The following PDGFD variants were observed in gnomAD, a reference collection of about 807,000 sequenced individuals.
PDGFD encodes platelet derived growth factor D.
In PDGFD, 30 loss-of-function variants were observed where a neutral mutation model predicts 44.7. The ratio of observed to expected loss-of-function variants is 0.67; its 90% CI spans 0.50 to 0.91. The LOEUF (loss-of-function observed/expected upper bound fraction) is 0.91, where lower values mean the gene tolerates loss of function less well. Among genes scored for constraint, PDGFD ranks in the 40% least tolerant of loss-of-function variants. The pLI, the probability that PDGFD is intolerant of heterozygous loss-of-function variation, is 0.00. For missense variants in PDGFD, 445 were observed against 457.8 expected, an observed-to-expected ratio of 0.97 and a Z score of 0.25; for synonymous variants, 173 against 168.4, an observed-to-expected ratio of 1.03 and a Z score of -0.21.
intron 1 of PDGFD, among the ~76,000 whole-genome samples, chr11:104,106,293 T>C (rs781708014): frequency 6.6e-6 from 1 of 152,156 alleles, no homozygotes; most frequent in Non-Finnish European, 1.5e-5. Flanking sequence ...TGATAGCATA[T>C]GTTCACATTT....
At chr11:103,984,184 A>G (rs1426876215) in intron 3 of PDGFD, among the ~76,000 whole-genome samples, 1 of 151,760 alleles carries the variant, frequency 6.6e-6, no homozygotes, top group Non-Finnish European at 1.5e-5. Flanking sequence ...GTTAGATTGG[A>G]TAAACAAAAT....
chr11:104,042,374 A>T (rs961223188), intron 1 of PDGFD, among the ~76,000 whole-genome samples: 6 of 152,172 alleles, frequency 3.9e-5, no homozygotes, highest in Non-Finnish European at 7.3e-5. Context: ...TTATCAGAAA[A>T]AAATGGAGCT....
intron 6 of PDGFD, among the ~76,000 whole-genome samples, chr11:103,919,041 C>G (rs1359225761): frequency 1.3e-5 from 2 of 152,118 alleles, no homozygotes; most frequent in African/African-American, 4.8e-5. Flanking sequence ...CCAGAAATAA[C>G]AAATCCACTG....
At chr11:104,039,544 T>C (rs934984807) in intron 1 of PDGFD, among the ~76,000 whole-genome samples, 4 of 152,158 alleles carry the variant, frequency 2.6e-5, no homozygotes, top group Non-Finnish European at 4.4e-5. Flanking sequence ...TTCTTCTCTA[T>C]AGGTGTTCCC....
chr11:103,935,629 C>G (rs566118431), intron 5 of PDGFD, among the ~76,000 whole-genome samples: 10 of 152,118 alleles, frequency 6.6e-5, no homozygotes, highest in Non-Finnish European at 1.0e-4. Flanking sequence ...TTGCCAAATA[C>G]TATCTGTGAG....
At chr11:103,934,015 T>C (rs1377980154) in intron 5 of PDGFD, among the ~76,000 whole-genome samples, 1 of 152,164 alleles carries the variant, frequency 6.6e-6, no homozygotes, top group East Asian at 1.9e-4. Context: ...GATGAAGGTC[T>C]TAAAATTTCT....
intron 1 of PDGFD, among the ~76,000 whole-genome samples, chr11:104,008,247 G>T (rs1859732626): frequency 6.6e-6 from 1 of 152,142 alleles, no homozygotes. Flanking sequence ...CTTCCAAGGG[G>T]ACAGAAATAC....
At position 104,080,687 on chromosome 11, in the gene PDGFD, C is replaced by A. The variant is rs1861032502; in HGVS notation, c.125-80432G>T. On this transcript the variant is annotated intron_variant, in intron 1 of 6. Transcript: ENST00000393158. ...GTGTAGCACCCTTATGCTTTGGTAA[C>A]CTGTATAACCTGTTTGGTAAACTTT... Among the ~76,000 whole-genome samples, 3 of 152,326 alleles carry A rather than the reference C, an allele frequency of 2.0e-5. No individual in the cohort carries two copies. The South Asian group carries it at 6.2e-4, about 32-fold the overall frequency.
chr11:103,950,001 C>T (rs917742538), intron 3 of PDGFD, among the ~76,000 whole-genome samples: 19 of 152,022 alleles, frequency 1.2e-4, no homozygotes, highest in African/African-American at 3.9e-4. Context: ...GGGCATAGTG[C>T]GTTTGAGAAG....
At chr11:103,962,260 A>G (rs923149872) in intron 3 of PDGFD, among the ~76,000 whole-genome samples, 2 of 152,216 alleles carry the variant, frequency 1.3e-5, no homozygotes, top group African/African-American at 4.8e-5. Flanking sequence ...ATTTAGTCCT[A>G]TCTTATCCCT....
chr11:104,007,532 T>G (rs1484055398), intron 1 of PDGFD, among the ~76,000 whole-genome samples: 1 of 152,214 alleles, frequency 6.6e-6, no homozygotes, highest in South Asian at 2.1e-4. Context: ...AGTGATATAG[T>G]TGCAGGCTGT....
rs984008682 is a variant in PDGFD, at chr11:103,909,165, A to C, written c.*529T>G. On this transcript the variant is annotated 3_prime_UTR_variant, in exon 7 of 7. Coordinates refer to ENST00000393158, the MANE Select transcript of PDGFD (RefSeq NM_025208.5). ...ATTTTTCCTTTTTTAATAATCAACT[A>C]AGATGTATATGTAAGAAAGCCTCAT... 6.6e-6 allele frequency: 1 copy of C among 152,556 alleles called. No individual in the cohort carries two copies. The highest frequency in any genetic ancestry group is 2.4e-5 in the African/African-American group (1 of 41,458). 9.5% of individuals were successfully genotyped at this position (152,556 alleles called of 1,614,324 possible). A position where few individuals can be genotyped will look rare whatever the true frequency, so the allele number is the denominator to read the frequency against.
intron 1 of PDGFD, among the ~76,000 whole-genome samples, chr11:104,014,970 T>C (rs1161603934): frequency 6.6e-6 from 1 of 152,230 alleles, no homozygotes; most frequent in Non-Finnish European, 1.5e-5. Context: ...AATAAATTCA[T>C]GCTTTCATCC....
intron 1 of PDGFD, among the ~76,000 whole-genome samples, chr11:104,148,128 A>C (rs903552625): frequency 1.3e-5 from 2 of 152,174 alleles, no homozygotes; most frequent in African/African-American, 4.8e-5. Context: ...GATGACTATA[A>C]GTTTTTTTAA....
chr11:104,146,052 C>T (rs1037438114), intron 1 of PDGFD, among the ~76,000 whole-genome samples: 1 of 152,194 alleles, frequency 6.6e-6, no homozygotes, highest in Admixed American at 6.5e-5. Context: ...TTATTTAAGA[C>T]ATTCAGTCTG....
intron 1 of PDGFD, among the ~76,000 whole-genome samples, chr11:104,042,948 T>C (rs528583752): frequency 9.2e-5 from 14 of 152,220 alleles, no homozygotes; most frequent in African/African-American, 2.9e-4. Context: ...CAAAAAGTAT[T>C]AGTGTTTTGC....
intron 1 of PDGFD, among the ~76,000 whole-genome samples, chr11:104,135,191 A>G (rs1487492869): frequency 1.3e-5 from 2 of 152,208 alleles, no homozygotes; most frequent in Non-Finnish European, 2.9e-5. Flanking sequence ...CTGGCACAAA[A>G]TAAGTTCTAA....
chr11:103,920,723 A>T (rs1858201818), intron 6 of PDGFD, among the ~76,000 whole-genome samples: 1 of 152,334 alleles, frequency 6.6e-6, no homozygotes, highest in Non-Finnish European at 1.5e-5. Context: ...AGATGCCTTC[A>T]TTCACCCAGT....
chr11:103,961,965 T>C (rs1858944150), intron 3 of PDGFD, among the ~76,000 whole-genome samples: 1 of 152,182 alleles, frequency 6.6e-6, no homozygotes, highest in African/African-American at 2.4e-5. Flanking sequence ...ATGTCTCCTT[T>C]TCAGTGCATA....
Sources: allele counts gnomAD v4.1 joint callset (sites outside exome capture counted in the v4.1 genomes callset), GRCh38; gene constraint gnomAD v4.1.1; transcripts MANE v1.5; gene names NCBI Gene and HGNC (gene_info 2026-07-23, HGNC 2026-07-21).